Variants in B3GALT1 observed in about 807,000 individuals in gnomAD.
B3GALT1 encodes UDP-Gal:betaGlcNAc beta 1,3-galactosyltransferase, polypeptide 1.
B3GALT1 carries 10 observed loss-of-function variants against 23.2 expected under a neutral mutation model. The ratio of observed to expected loss-of-function variants is 0.43; its 90% confidence interval spans 0.27 to 0.73. The LOEUF (loss-of-function observed/expected upper bound fraction) is 0.73, where lower values mean the gene tolerates loss of function less well. Among genes scored for constraint, B3GALT1 ranks in the 30% least tolerant of loss-of-function variants. B3GALT1 has a pLI of 0.21. For missense variants in B3GALT1, 299 were observed against 405.4 expected (o/e 0.74, Z 2.25); for synonymous variants, 156 against 141.5 (o/e 1.10, Z -0.73).
chr2:167,481,067 C>A (rs575365308), intron 1 of B3GALT1, among the ~76,000 whole-genome samples: 1 of 152,250 alleles, frequency 6.6e-6, no homozygotes, highest in East Asian at 1.9e-4. Flanking sequence ...CTGGTACTTG[C>A]AATTCAAAAC....
At chr2:167,653,642 G>A (rs1274507298) in intron 3 of B3GALT1, among the ~76,000 whole-genome samples, 1 of 152,160 alleles carries the variant, frequency 6.6e-6, no homozygotes, top group Non-Finnish European at 1.5e-5. Context: ...ATTTACAGGA[G>A]ATGTTGCAGG....
At chr2:167,442,988 C>G (rs573112803) in intron 1 of B3GALT1, among the ~76,000 whole-genome samples, 200 of 151,586 alleles carry the variant, frequency 1.3e-3, no homozygotes, top group Middle Eastern at 3.4e-3. Flanking sequence ...AGGTTTTCTT[C>G]TAGGGTTTTT....
chr2:167,611,322 C>CCT, intron 2 of B3GALT1, among the ~76,000 whole-genome samples: 1 of 151,862 alleles, frequency 6.6e-6, no homozygotes, highest in African/African-American at 2.4e-5. Flanking sequence ...TTTTAAATAA[C>CCT]TGAGCTTTTT....
rs1172809068 is a variant in B3GALT1 at position 167,873,500 on chromosome 2, G to A, written c.*3480G>A. ...CAAATCTCTTCTATCAAAAGACAATGGAATATTTACCTAAAGCATCTGGGA... is the reference window on the plus strand; with the variant it reads ...CAAATCTCTTCTATCAAAAGACAATAGAATATTTACCTAAAGCATCTGGGA... On this transcript the variant is annotated 3_prime_UTR_variant, in exon 5 of 5. Coordinates refer to ENST00000392690, the MANE Select transcript of B3GALT1 (RefSeq NM_020981.4). 6.6e-6 allele frequency: 1 copy of A among 152,002 alleles called. No individual in the cohort carries two copies. The highest frequency in any genetic ancestry group is 1.5e-5 in the Non-Finnish European group (1 of 67,982). 9.4% of individuals were successfully genotyped at this position (152,002 alleles called of 1,614,324 possible).
chr2:167,401,366 T>C (rs1457616269), intron 1 of B3GALT1, among the ~76,000 whole-genome samples: 1 of 152,138 alleles, frequency 6.6e-6, no homozygotes, highest in Admixed American at 6.6e-5. Flanking sequence ...TGTTTGAAAC[T>C]GACTCTCTCA....
intron 2 of B3GALT1, among the ~76,000 whole-genome samples, chr2:167,512,640 A>G (rs1166801233): frequency 7.1e-5 from 8 of 112,194 alleles, no homozygotes; most frequent in Admixed American, 2.0e-4. Flanking sequence ...ATATATACAT[A>G]TATATATATA....
intron 4 of B3GALT1, among the ~76,000 whole-genome samples, chr2:167,835,680 G>C (rs1689449199): frequency 3.9e-5 from 6 of 152,256 alleles, no homozygotes; most frequent in Admixed American, 3.9e-4. Flanking sequence ...GAAGAGAGCA[G>C]TGGTTCTCCC....
At chr2:167,817,490 A>T (rs1475490961) in intron 3 of B3GALT1, among the ~76,000 whole-genome samples, 1 of 152,214 alleles carries the variant, frequency 6.6e-6, no homozygotes, top group East Asian at 1.9e-4. Context: ...GTTAAGTATC[A>T]TCAGTGGCTG....
chr2:167,358,184 A>G (rs1030889358), intron 1 of B3GALT1, among the ~76,000 whole-genome samples: 1 of 152,202 alleles, frequency 6.6e-6, no homozygotes, highest in Non-Finnish European at 1.5e-5. Flanking sequence ...AGCCAATTAC[A>G]TTAGAAAGAG....
rs1177197921 is a variant in B3GALT1 at position 167,322,400 on chromosome 2, T to G, written c.-511+29066T>G. ...TTATAATTATTGAACATTTTTGAAG[T>G]ATAGTTTGTAACATTTTAAAAAATT... On this transcript the variant is annotated intron_variant, in intron 1 of 4. Transcript: ENST00000392690. 2.0e-5 allele frequency among the ~76,000 whole-genome samples: 3 copies of G among 151,906 alleles called. No homozygotes were observed. In the East Asian group the frequency reaches 5.8e-4, roughly 29 times the overall value.
At chr2:167,532,895 C>A (rs1336146588) in intron 2 of B3GALT1, among the ~76,000 whole-genome samples, 2 of 126,094 alleles carry the variant, frequency 1.6e-5, no homozygotes, top group African/African-American at 6.2e-5. Context: ...GAGTTTCGCT[C>A]TTGTTGCCCA....
intron 2 of B3GALT1, among the ~76,000 whole-genome samples, chr2:167,585,655 C>T (rs1004861603): frequency 2.0e-5 from 3 of 152,242 alleles, no homozygotes; most frequent in East Asian, 1.9e-4. Flanking sequence ...CTATTTTTTA[C>T]GATCTAATAA....
At chr2:167,808,440 C>CCAGTTGTTCCTTTCCATGT (rs1688808721) in intron 3 of B3GALT1, among the ~76,000 whole-genome samples, 1 of 146,574 alleles carries the variant, frequency 6.8e-6, no homozygotes, top group Admixed American at 6.7e-5. Context: ...GTGGCTGGTA[C>CCAGTTGTTCCTTTCCATGT]TTAGTTCTTC....
chr2:167,317,968 C>A (rs192349417), intron 1 of B3GALT1, among the ~76,000 whole-genome samples: 1 of 152,146 alleles, frequency 6.6e-6, no homozygotes, highest in Admixed American at 6.5e-5. Context: ...CTTAGTTATA[C>A]CCAATACCAA....
At chr2:167,561,936 A>G (rs1242582103) in intron 2 of B3GALT1, among the ~76,000 whole-genome samples, 1 of 152,226 alleles carries the variant, frequency 6.6e-6, no homozygotes, top group Non-Finnish European at 1.5e-5. Flanking sequence ...AAAAGAGGGA[A>G]TCCTCCCTAA....
intron 4 of B3GALT1, among the ~76,000 whole-genome samples, chr2:167,844,649 G>C (rs530002730): frequency 6.6e-6 from 1 of 152,198 alleles, no homozygotes; most frequent in Admixed American, 6.5e-5. Context: ...AGGATCCGTC[G>C]AGAGGGCAGC....
At chr2:167,412,723 A>G (rs1003957087) in intron 1 of B3GALT1, among the ~76,000 whole-genome samples, 1 of 152,146 alleles carries the variant, frequency 6.6e-6, no homozygotes, top group African/African-American at 2.4e-5. Flanking sequence ...TGACCCAGAA[A>G]TTACACACCT....
At chr2:167,389,938 G>GA (rs370381902) in intron 1 of B3GALT1, among the ~76,000 whole-genome samples, 2,624 of 124,654 alleles carry the variant, frequency 0.021, 96 homozygotes, top group African/African-American at 0.075. Flanking sequence ...AAAAAAAAAA[G>GA]AAAGAAAAGA....
intron 3 of B3GALT1, among the ~76,000 whole-genome samples, chr2:167,754,676 A>G (rs1239106797): frequency 1.3e-5 from 2 of 152,140 alleles, no homozygotes; most frequent in Admixed American, 6.5e-5. Context: ...ACCTTTCCAC[A>G]TCAAGTCCAC....
Sources: allele counts gnomAD v4.1 joint callset (sites outside exome capture counted in the v4.1 genomes callset), GRCh38; gene constraint gnomAD v4.1.1; transcripts MANE v1.5; gene names NCBI Gene and HGNC (gene_info 2026-07-23, HGNC 2026-07-21).